The following SCHIP1 variants were observed in gnomAD, a reference collection of about 807,000 sequenced individuals.
SCHIP1 encodes the protein schwannomin-interacting protein 1.
In SCHIP1, 8 loss-of-function variants were observed where a neutral mutation model predicts 29.7. The observed-to-expected ratio is 0.27, with a 90% CI of 0.16 to 0.49. The LOEUF (loss-of-function observed/expected upper bound fraction) is 0.49. Ranked by LOEUF, SCHIP1 falls within the 20% of genes least tolerant of loss-of-function variation. SCHIP1 has a pLI of 0.99. For missense variants in SCHIP1, 193 were observed against 294.6 expected (o/e 0.66, Z 2.52); for synonymous variants, 76 against 94.9 (o/e 0.80, Z 1.16).
At chr3:159,405,368 G>T in the SCHIP1 span, among the ~76,000 whole-genome samples, 2 of 152,150 alleles carry the variant, frequency 1.3e-5, no homozygotes, top group Non-Finnish European at 2.9e-5. Flanking sequence ...CAAAATAGTT[G>T]TTTTGAGGAA....
At chr3:159,657,500 C>T in the SCHIP1 span, among the ~76,000 whole-genome samples, 3 of 152,186 alleles carry the variant, frequency 2.0e-5, no homozygotes, top group African/African-American at 7.2e-5. Flanking sequence ...ACAGTCTAAA[C>T]TGACCAATAA....
chr3:159,380,663 G>A, the SCHIP1 span, among the ~76,000 whole-genome samples: 1 of 152,014 alleles, frequency 6.6e-6, no homozygotes, highest in Admixed American at 6.6e-5. Flanking sequence ...CAAGTGCCAG[G>A]CTTTATATAC....
At chr3:159,626,107 T>TAGAA in the SCHIP1 span, among the ~76,000 whole-genome samples, 1 of 116,058 alleles carries the variant, frequency 8.6e-6, no homozygotes, top group Non-Finnish European at 1.5e-5. Context: ...GATAGATAGA[T>TAGAA]AGATAGATAG....
intron 1 of SCHIP1, among the ~76,000 whole-genome samples, chr3:159,865,539 G>A (rs1224840093): frequency 6.6e-6 from 1 of 152,174 alleles, no homozygotes; most frequent in Non-Finnish European, 1.5e-5. Context: ...TATTGTCAAG[G>A]TTTCTCACAT....
At chr3:159,367,096 ACTC>A in the SCHIP1 span, among the ~76,000 whole-genome samples, 3 of 151,542 alleles carry the variant, frequency 2.0e-5, no homozygotes, top group Admixed American at 6.6e-5. Flanking sequence ...GCATTTGAAA[ACTC>A]CTCTTTGCCA....
chr3:159,745,306 C>G, the SCHIP1 span, among the ~76,000 whole-genome samples: 1 of 152,160 alleles, frequency 6.6e-6, no homozygotes, highest in Non-Finnish European at 1.5e-5. Context: ...CTCCATTTCT[C>G]AAGGAGCCGG....
the SCHIP1 span, among the ~76,000 whole-genome samples, chr3:159,560,129 A>G: frequency 6.6e-6 from 1 of 152,234 alleles, no homozygotes; most frequent in East Asian, 1.9e-4. Flanking sequence ...ACACAGAACA[A>G]AAAGAGAACA....
At chr3:159,678,429 T>G in the SCHIP1 span, among the ~76,000 whole-genome samples, 668 of 152,354 alleles carry the variant, frequency 4.4e-3, 9 homozygotes, top group Admixed American at 0.024. Flanking sequence ...CTGCCAGCTC[T>G]AGTAGACACA....
the SCHIP1 span, among the ~76,000 whole-genome samples, chr3:159,750,172 A>G: frequency 6.6e-6 from 1 of 151,456 alleles, no homozygotes; most frequent in Non-Finnish European, 1.5e-5. Flanking sequence ...TTCATAGAGT[A>G]GAATAAAGTT....
the SCHIP1 span, among the ~76,000 whole-genome samples, chr3:159,460,533 A>C: frequency 6.6e-6 from 1 of 152,218 alleles, no homozygotes; most frequent in South Asian, 2.1e-4. Context: ...GAAGCAGCAT[A>C]TATGAGGGCA....
At chr3:159,683,082 T>G in the SCHIP1 span, among the ~76,000 whole-genome samples, 1 of 152,132 alleles carries the variant, frequency 6.6e-6, no homozygotes, top group Non-Finnish European at 1.5e-5. Flanking sequence ...TTTTATTTTA[T>G]TTTATTTTTG....
At chr3:159,589,105 T>C in the SCHIP1 span, among the ~76,000 whole-genome samples, 2 of 152,234 alleles carry the variant, frequency 1.3e-5, no homozygotes, top group African/African-American at 4.8e-5. Context: ...GAGCATGGAA[T>C]GTTCTTCCAT....
chr3:159,605,656 GA>G, the SCHIP1 span, among the ~76,000 whole-genome samples: 1 of 151,956 alleles, frequency 6.6e-6, no homozygotes, highest in African/African-American at 2.4e-5. Flanking sequence ...CAAATGGGAA[GA>G]AAAAAACAGC....
At chr3:159,644,258 A>T in the SCHIP1 span, among the ~76,000 whole-genome samples, 1 of 152,082 alleles carries the variant, frequency 6.6e-6, no homozygotes, top group Non-Finnish European at 1.5e-5. Context: ...TAAACTAAAT[A>T]TCTCTAGCTT....
chr3:159,741,136 A>G, the SCHIP1 span, among the ~76,000 whole-genome samples: 5 of 152,202 alleles, frequency 3.3e-5, no homozygotes, highest in Admixed American at 6.5e-5. Context: ...GGAGAGTACC[A>G]GACACTCATT....
the SCHIP1 span, among the ~76,000 whole-genome samples, chr3:159,530,906 T>C: frequency 6.6e-6 from 1 of 152,172 alleles, no homozygotes; most frequent in Admixed American, 6.5e-5. Flanking sequence ...AGTACCCTTC[T>C]GTGTTGCCCA....
the SCHIP1 span, among the ~76,000 whole-genome samples, chr3:159,678,630 G>A: frequency 2.8e-4 from 42 of 152,218 alleles, no homozygotes; most frequent in East Asian, 6.2e-3. Flanking sequence ...GTTATGTATC[G>A]GATCAACGGC....
At chr3:159,885,531 G>A (rs1716877375) in intron 2 of SCHIP1, among the ~76,000 whole-genome samples, 1 of 152,202 alleles carries the variant, frequency 6.6e-6, no homozygotes, top group African/African-American at 2.4e-5. Flanking sequence ...CTTCCCAAAG[G>A]TCTCTGTCCC....
the SCHIP1 span, among the ~76,000 whole-genome samples, chr3:159,742,668 T>C: frequency 6.6e-6 from 1 of 151,340 alleles, no homozygotes; most frequent in Non-Finnish European, 1.5e-5. Context: ...CTCTTTTTTT[T>C]CTTTTTCTTT....
Sources: allele counts gnomAD v4.1 joint callset (sites outside exome capture counted in the v4.1 genomes callset), GRCh38; gene constraint gnomAD v4.1.1; transcripts MANE v1.5; gene names NCBI Gene and HGNC (gene_info 2026-07-23, HGNC 2026-07-21).